Variants in AXDND1 observed in about 807,000 individuals in gnomAD.
AXDND1 encodes axonemal dynein light chain domain-containing protein 1.
Under a neutral mutation model 137.5 loss-of-function variants are expected in AXDND1, and 110 were observed. That is an observed-to-expected ratio of 0.80 (90% CI 0.69 to 0.94). The LOEUF (loss-of-function observed/expected upper bound fraction) is 0.94. Among genes scored for constraint, AXDND1 ranks in the 40% least tolerant of loss-of-function variants. AXDND1 has a pLI of 0.00. For synonymous variants in AXDND1, 414 were observed against 399.7 expected (o/e 1.04, Z -0.43); for missense variants, 1,191 against 1,169.8 (o/e 1.02, Z -0.26).
chr1:179,482,734 T>G (rs1039572837), intron 17 of AXDND1, among the ~76,000 whole-genome samples: 2 of 151,860 alleles, frequency 1.3e-5, no homozygotes, highest in Admixed American at 1.3e-4. Context: ...TCGGGGGTGG[T>G]GGGTGGTGGA....
intron 21 of AXDND1, among the ~76,000 whole-genome samples, chr1:179,522,178 C>T (rs1223455481): frequency 2.0e-5 from 3 of 152,104 alleles, no homozygotes; most frequent in Non-Finnish European, 4.4e-5. Flanking sequence ...TTCATATTCT[C>T]TCTCTATTTC....
intron 20 of AXDND1, among the ~76,000 whole-genome samples, chr1:179,498,081 G>A (rs916585963): frequency 1.3e-5 from 2 of 152,030 alleles, no homozygotes; most frequent in African/African-American, 4.8e-5. Context: ...TGGCCATACT[G>A]CCCAAAGCAG....
At chr1:179,509,756 C>T (rs930890822) in intron 21 of AXDND1, among the ~76,000 whole-genome samples, 2 of 152,128 alleles carry the variant, frequency 1.3e-5, no homozygotes, top group Non-Finnish European at 2.9e-5. Context: ...TTATTTCTTC[C>T]TTCGAGCACT....
In AXDND1 at chr1:179,527,311, G is replaced by A. The variant is rs1326094320; in HGVS notation, c.2611-1016G>A. On this transcript the variant is annotated intron_variant, in intron 22 of 25. Coordinates refer to ENST00000367618, the MANE Select transcript of AXDND1 (RefSeq NM_144696.6). ...CTTGTGGCCATTGTGGTTTTGGTGG[G>A]TTTTGACCGGCTTCTTTACTGCAAC... is the stretch of plus-strand genomic sequence containing the variant. 2.0e-5 allele frequency among the ~76,000 whole-genome samples: 3 copies of A among 152,152 alleles called. No individual in the cohort carries two copies. The South Asian group carries it at 6.2e-4, about 32-fold the overall frequency.
chr1:179,497,964 C>T (rs1265480681), intron 20 of AXDND1, among the ~76,000 whole-genome samples: 2 of 151,978 alleles, frequency 1.3e-5, no homozygotes, highest in South Asian at 2.1e-4. Flanking sequence ...AGGTGAAAGG[C>T]GTCTACAAGG....
At chr1:179,457,038 C>A in intron 16 of AXDND1, 2 of 1,506,668 alleles carry the variant, frequency 1.3e-6, no homozygotes, top group Non-Finnish European at 1.8e-6. Flanking sequence ...GTTAAGTGGG[C>A]ACCTGGTCTT....
chr1:179,475,382 G>C (rs1664486835), intron 17 of AXDND1, among the ~76,000 whole-genome samples: 1 of 152,178 alleles, frequency 6.6e-6, no homozygotes, highest in Non-Finnish European at 1.5e-5. Context: ...GCTGCACCCT[G>C]CAAAGCCACA....
At chr1:179,381,943 A>ATTTTTTTTTTTTTTTTT (rs71111920) in intron 6 of AXDND1, among the ~76,000 whole-genome samples, 1 of 105,434 alleles carries the variant, frequency 9.5e-6, no homozygotes, top group Non-Finnish European at 1.8e-5. Flanking sequence ...ACCACACCTA[A>ATTTTTTTTTTTTTTTTT]TTTTTTTTTT....
intron 21 of AXDND1, among the ~76,000 whole-genome samples, chr1:179,511,204 C>T (rs569440837): frequency 6.6e-6 from 1 of 151,672 alleles, no homozygotes; most frequent in East Asian, 1.9e-4. Flanking sequence ...TCATCCAGGT[C>T]ACTGAAAATG....
At chr1:179,430,378 G>C in intron 13 of AXDND1, 74 bp from the exon 14 acceptor site, 1 of 1,122,266 alleles carries the variant, frequency 8.9e-7, no homozygotes, top group South Asian at 2.0e-5. Flanking sequence ...ATTAATAATG[G>C]CCTGGTATAT....
At chr1:179,507,200 G>T (rs539208269) in intron 20 of AXDND1, among the ~76,000 whole-genome samples, 1 of 152,150 alleles carries the variant, frequency 6.6e-6, no homozygotes, top group Non-Finnish European at 1.5e-5. Context: ...GAGATTCATG[G>T]GTATTAATTA....
intron 25 of AXDND1, among the ~76,000 whole-genome samples, chr1:179,537,967 A>G (rs1461992568): frequency 1.3e-5 from 2 of 152,160 alleles, no homozygotes; most frequent in South Asian, 4.1e-4. Context: ...TAGATTTTCT[A>G]GTTTATTTGC....
chr1:179,367,766 T>C (rs899421463), intron 2 of AXDND1, among the ~76,000 whole-genome samples: 4 of 152,154 alleles, frequency 2.6e-5, no homozygotes, highest in African/African-American at 9.7e-5. Flanking sequence ...CAAAAAGTAA[T>C]AGCAGAGATA....
At position 179,406,539 on chromosome 1, in the gene AXDND1, GTTGGGTGCATATATAT is replaced by G. The variant is rs1320257948; in HGVS notation, c.1110-4604_1110-4589del. On this transcript the variant is annotated intron_variant, in intron 11 of 25. Coordinates refer to ENST00000367618, the MANE Select transcript of AXDND1 (RefSeq NM_144696.6). ...GCTTTATACATCTGGGTGCTCCAGG[GTTGGGTGCATATATAT>G]TTAGAGTTGTTATATCCTTTTCCTG... Among the ~76,000 whole-genome samples the G allele has an allele frequency of 3.9e-5, 6 of 152,072 alleles. No homozygotes were observed. In the East Asian group the frequency reaches 1.2e-3, roughly 29 times the overall value.
At chr1:179,477,576 T>C (rs1475471786) in intron 17 of AXDND1, among the ~76,000 whole-genome samples, 4 of 151,924 alleles carry the variant, frequency 2.6e-5, no homozygotes, top group African/African-American at 9.7e-5. Flanking sequence ...ACCCCCATGA[T>C]TCAATTATCT....
At chr1:179,369,870 C>T in intron 3 of AXDND1, 105 bp from the exon 4 acceptor site, 5 of 723,726 alleles carry the variant, frequency 6.9e-6, no homozygotes, top group Non-Finnish European at 1.1e-5. Flanking sequence ...TTAGAGTACC[C>T]AAGTGCCCTT....
chr1:179,526,832 A>C (rs1171914186), intron 22 of AXDND1, among the ~76,000 whole-genome samples: 1 of 152,218 alleles, frequency 6.6e-6, no homozygotes, highest in Non-Finnish European at 1.5e-5. Context: ...AGATAAAGCA[A>C]AACCTACTGG....
chr1:179,487,710 A>G (rs377355389), intron 18 of AXDND1, among the ~76,000 whole-genome samples: 15 of 148,668 alleles, frequency 1.0e-4, no homozygotes, highest in African/African-American at 3.6e-4. Context: ...ATTTCCATCA[A>G]TCAGGCCAGG....
In AXDND1 at chr1:179,379,603, G is replaced by T. The variant is rs898337304; in HGVS notation, c.581+121G>T. 4 of 1,234,728 alleles carry T rather than the reference G, an allele frequency of 3.2e-6. No individual in the cohort carries two copies. In the Admixed American group the frequency reaches 1.1e-4, roughly 34 times the overall value. The allele number at this position is 1,234,728 out of a possible 1,614,324, so 76.5% of individuals were successfully genotyped here. ...GAGGTCAGGAGTTCAAGACCAGCCT[G>T]GTCAACATGGTGAAAGTCCGTCTCT... On this transcript the variant is annotated intron_variant, in intron 6 of 25. Transcript: ENST00000367618.
Sources: gnomAD v4.1 joint callset for allele counts (sites outside exome capture counted in the v4.1 genomes callset) on GRCh38, gnomAD v4.1.1 for gene constraint, MANE v1.5 for transcripts, NCBI Gene and HGNC (gene_info 2026-07-23, HGNC 2026-07-21) for gene names.